The following ATF6 variants were observed in gnomAD, a reference collection of about 807,000 sequenced individuals.
ATF6 encodes the protein cyclic AMP-dependent transcription factor ATF-6 alpha.
In ATF6, 53 loss-of-function variants were observed where a neutral mutation model predicts 83.6. The ratio of observed to expected loss-of-function variants is 0.63; its 90% CI spans 0.51 to 0.80. The LOEUF (loss-of-function observed/expected upper bound fraction) is 0.80. Ranked by LOEUF, ATF6 falls within the 30% of genes least tolerant of loss-of-function variation. The probability of loss-of-function intolerance (pLI) is 0.00; values close to 1 mark genes in which losing one functional copy is unlikely to be tolerated. For missense variants in ATF6, 744 were observed against 797.9 expected, an observed-to-expected ratio of 0.93 and a Z score of 0.81; for synonymous variants, 288 against 285.8, an observed-to-expected ratio of 1.01 and a Z score of -0.08.
In ATF6 at chr1:161,963,898, A is replaced by G. The variant is rs1689153864; in HGVS notation, c.*5244A>G. The G allele has an allele frequency of 6.6e-6, 1 of 152,152 alleles. No homozygotes were observed. Among genetic ancestry groups the G allele is most frequent in the Non-Finnish European group, 1.5e-5 (1 of 68,026 alleles). 9.4% of individuals were successfully genotyped at this position (152,152 alleles called of 1,614,324 possible). On this transcript the variant is annotated 3_prime_UTR_variant, in exon 16 of 16. Coordinates refer to ENST00000367942, the MANE Select transcript of ATF6 (RefSeq NM_007348.4). ...TTTTGCTCAGGTTGTACCCATGCCA[A>G]TTGAAGAACGTGTTAAAGATGAGGA... is the stretch of plus-strand genomic sequence containing the variant.
Position 161,809,492 on chromosome 1 carries a change from T to C in ATF6, c.909+7220T>C, listed in dbSNP as rs1264905526. On this transcript the variant is annotated intron_variant, in intron 7 of 15. Transcript: ENST00000367942. ...AAGTCTTTGCTATTGTGAATAGTGCTGCAATAAACATAAGTGTGCATGTGT... is the reference window on the plus strand; with the variant it reads ...AAGTCTTTGCTATTGTGAATAGTGCCGCAATAAACATAAGTGTGCATGTGT... 4.6e-5 allele frequency among the ~76,000 whole-genome samples: 7 copies of C among 152,352 alleles called. No individual in the cohort carries two copies. In the East Asian group the frequency reaches 9.6e-4, roughly 21 times the overall value.
intron 14 of ATF6, among the ~76,000 whole-genome samples, chr1:161,876,034 CCAT>C (rs1377191825): frequency 1.3e-5 from 2 of 151,794 alleles, no homozygotes; most frequent in Non-Finnish European, 2.9e-5. Context: ...TGCTAGGGCA[CCAT>C]CATTGCTTTT....
At chr1:161,900,891 G>A (rs1378602252) in intron 14 of ATF6, among the ~76,000 whole-genome samples, 1 of 152,124 alleles carries the variant, frequency 6.6e-6, no homozygotes, top group South Asian at 2.1e-4. Context: ...ATTAAAAAAA[G>A]TATTTTCAAA....
At chr1:161,851,233 A>AACACAC (rs60202873) in intron 10 of ATF6, among the ~76,000 whole-genome samples, 3,331 of 75,342 alleles carry the variant, frequency 0.044, 161 homozygotes, top group Admixed American at 0.13. Context: ...CCCTATCCTT[A>AACACAC]ACACACACAC....
At chr1:161,808,595 C>A (rs1685362551) in intron 7 of ATF6, among the ~76,000 whole-genome samples, 1 of 151,838 alleles carries the variant, frequency 6.6e-6, no homozygotes, top group African/African-American at 2.4e-5. Flanking sequence ...TTTTTAAAGA[C>A]AGTCTGTTGC....
At chr1:161,919,281 TA>T (rs1558025226) in intron 15 of ATF6, among the ~76,000 whole-genome samples, 5 of 152,204 alleles carry the variant, frequency 3.3e-5, no homozygotes, top group African/African-American at 1.2e-4. Flanking sequence ...AAGGCTTTTT[TA>T]AAAAAGGATT....
chr1:161,805,832 GT>G (rs1198764156), intron 7 of ATF6, among the ~76,000 whole-genome samples: 1 of 151,292 alleles, frequency 6.6e-6, no homozygotes, highest in African/African-American at 2.4e-5. Flanking sequence ...AATCATATCA[GT>G]TTTTTTGTGG....
chr1:161,921,863 TCTC>T lies in ATF6; in HGVS notation c.1804+9487_1804+9489del, dbSNP rs560623519. On this transcript the variant is annotated intron_variant, in intron 15 of 15. Transcript: ENST00000367942. ...TCCATCTGTTGTATTGTCTTAGACTTCTCCTCATTCACCACCTTGATGCTTTTA... is the reference window on the plus strand; with the variant it reads ...TCCATCTGTTGTATTGTCTTAGACTTCTCATTCACCACCTTGATGCTTTTA... Among the ~76,000 whole-genome samples the T allele has an allele frequency of 6.6e-5, 10 of 152,320 alleles. No homozygotes were observed. The South Asian group carries it at 2.1e-3, about 32-fold the overall frequency.
chr1:161,946,801 C>A (rs1008791783), intron 15 of ATF6, among the ~76,000 whole-genome samples: 8 of 152,112 alleles, frequency 5.3e-5, no homozygotes, highest in Admixed American at 5.2e-4. Flanking sequence ...ATTTTAGTTT[C>A]TAAAACAAAT....
At chr1:161,781,576 A>G (rs1005847895) in intron 2 of ATF6, among the ~76,000 whole-genome samples, 1 of 152,192 alleles carries the variant, frequency 6.6e-6, no homozygotes, top group Non-Finnish European at 1.5e-5. Context: ...GGCAATGGGA[A>G]AATGTATTTT....
At chr1:161,948,517 T>C (rs898234799) in intron 15 of ATF6, among the ~76,000 whole-genome samples, 14 of 152,174 alleles carry the variant, frequency 9.2e-5, no homozygotes, top group Non-Finnish European at 1.8e-4. Context: ...AGCAAGACTT[T>C]AAAAAAATCC....
intron 9 of ATF6, among the ~76,000 whole-genome samples, chr1:161,845,950 T>A (rs1169568403): frequency 6.6e-6 from 1 of 152,072 alleles, no homozygotes; most frequent in African/African-American, 2.4e-5. Context: ...TAGAAGTATT[T>A]AAAAAATTTT....
chr1:161,938,227 T>G (rs187333466), intron 15 of ATF6, among the ~76,000 whole-genome samples: 23 of 152,322 alleles, frequency 1.5e-4, no homozygotes, highest in Admixed American at 7.8e-4. Flanking sequence ...CATTTTTGTT[T>G]AAGGTATTAT....
In ATF6 at chr1:161,773,420, C is replaced by T. The variant is rs1030969055; in HGVS notation, c.83-4824C>T. Among the ~76,000 whole-genome samples the T allele has an allele frequency of 5.9e-5, 9 of 152,236 alleles. No individual in the cohort carries two copies. In the East Asian group the frequency reaches 1.2e-3, roughly 20 times the overall value. ...CCTCCCAAAGTGCTGAGATTACAGGCGTCAGCCACTAATTTTTGTATTTTT... is the reference window on the plus strand; with the variant it reads ...CCTCCCAAAGTGCTGAGATTACAGGTGTCAGCCACTAATTTTTGTATTTTT... On this transcript the variant is annotated intron_variant, in intron 1 of 15. Transcript: ENST00000367942.
intron 1 of ATF6, among the ~76,000 whole-genome samples, chr1:161,768,446 G>A (rs1349559684): frequency 6.6e-6 from 1 of 152,158 alleles, no homozygotes; most frequent in Admixed American, 6.5e-5. Context: ...TGTTCAGTAA[G>A]TAGGATAGAT....
rs559479735 is a variant in ATF6 at position 161,875,995 on chromosome 1, A to C, written c.1719+12683A>C. ...GGGCAGTAATATGATGAACTATATA[A>C]TACAGTTTGATGTTGCTGTCTTAAT... On this transcript the variant is annotated intron_variant, in intron 14 of 15. Coordinates refer to ENST00000367942, the MANE Select transcript of ATF6 (RefSeq NM_007348.4). Among the ~76,000 whole-genome samples the C allele has an allele frequency of 2.0e-5, 3 of 152,046 alleles. No homozygotes were observed. In the South Asian group the frequency reaches 6.2e-4, roughly 31 times the overall value.
At chr1:161,845,116 T>C (rs984250461) in intron 9 of ATF6, among the ~76,000 whole-genome samples, 5 of 152,172 alleles carry the variant, frequency 3.3e-5, no homozygotes, top group Non-Finnish European at 5.9e-5. Flanking sequence ...GGGTGAAGAA[T>C]TGAGGAGAAT....
intron 15 of ATF6, among the ~76,000 whole-genome samples, chr1:161,923,511 A>G (rs1452810640): frequency 1.3e-5 from 2 of 152,146 alleles, no homozygotes; most frequent in South Asian, 4.1e-4. Flanking sequence ...TATAAGGTAA[A>G]CCTGGAAATA....
At chr1:161,814,043 C>A (rs966002581) in intron 7 of ATF6, among the ~76,000 whole-genome samples, 1 of 152,048 alleles carries the variant, frequency 6.6e-6, no homozygotes, top group African/African-American at 2.4e-5. Context: ...CACCACCACT[C>A]CCAGCTAATT....
Sources: allele counts gnomAD v4.1 joint callset (sites outside exome capture counted in the v4.1 genomes callset), GRCh38; gene constraint gnomAD v4.1.1; transcripts MANE v1.5; gene names NCBI Gene and HGNC (gene_info 2026-07-23, HGNC 2026-07-21).